Variants in SLC25A14 observed in about 807,000 individuals in gnomAD.
SLC25A14 encodes the protein solute carrier family 25 member 14, also known as brain mitochondrial carrier protein 1.
A neutral mutation model predicts 28.1 loss-of-function variants in SLC25A14; 8 were observed. The ratio of observed to expected loss-of-function variants is 0.28; its 90% CI spans 0.17 to 0.51. The LOEUF (loss-of-function observed/expected upper bound fraction) is 0.51, where lower values mean the gene tolerates loss of function less well. SLC25A14 is among the 20% of genes least tolerant of loss of function. The pLI, the probability that SLC25A14 is intolerant of heterozygous loss-of-function variation, is 0.97. For synonymous variants in SLC25A14, 74 were observed against 90.6 expected, an observed-to-expected ratio of 0.82 and a Z score of 1.04; for missense variants, 135 against 263.8, an observed-to-expected ratio of 0.51 and a Z score of 3.38.
At chrX:130,362,086 G>A (rs1338622629) in intron 7 of SLC25A14, among the ~76,000 whole-genome samples, 1 of 108,350 alleles carries the variant, frequency 9.2e-6, no homozygotes, top group African/African-American at 3.4e-5. Flanking sequence ...GCATAGCTGT[G>A]TCACTTCCAC....
At chrX:130,364,506 T>G in intron 7 of SLC25A14, 122 bp from the exon 8 acceptor site, 1 of 401,131 alleles carries the variant, frequency 2.5e-6, no homozygotes, top group Non-Finnish European at 4.3e-6. Context: ...TTTGAAAGAG[T>G]GACGTCTGTA....
intron 4 of SLC25A14, 125 bp from the exon 5 acceptor site, chrX:130,349,126 G>A: frequency 9.1e-6 from 3 of 331,305 alleles, no homozygotes; most frequent in Non-Finnish European, 5.3e-6. Context: ...TTTCATGAGT[G>A]CTTGAAAAAA....
At chrX:130,345,579 G>A (rs1166228765) in intron 3 of SLC25A14, among the ~76,000 whole-genome samples, 1 of 111,558 alleles carries the variant, frequency 9.0e-6, no homozygotes, top group African/African-American at 3.2e-5. Context: ...CTATATTTCT[G>A]TATTAATAGT....
chrX:130,371,722 T>TA (rs2034267399), intron 10 of SLC25A14, 78 bp downstream of exon 10: 3 of 720,544 alleles, frequency 4.2e-6, no homozygotes, highest in Non-Finnish European at 6.5e-6. Context: ...ATTTGATTAT[T>TA]AAAGCCTTTT....
intron 8 of SLC25A14, chrX:130,365,048 C>A: frequency 1.3e-6 from 1 of 776,236 alleles, no homozygotes; most frequent in Non-Finnish European, 1.5e-6. Context: ...CTATTATTTG[C>A]TTTGGTTAAT....
At chrX:130,353,228 T>C (rs764507697) in intron 6 of SLC25A14, among the ~76,000 whole-genome samples, 16 of 111,899 alleles carry the variant, frequency 1.4e-4, no homozygotes, top group Admixed American at 3.8e-4. Flanking sequence ...GAGAATTTAA[T>C]TGAAGAGCTC....
intron 6 of SLC25A14, among the ~76,000 whole-genome samples, chrX:130,353,222 A>T (rs1569452658): frequency 8.9e-6 from 1 of 111,761 alleles, no homozygotes; most frequent in Non-Finnish European, 1.9e-5. Context: ...TATGAAGAGA[A>T]TTTAATTGAA....
intron 1 of SLC25A14, 48 bp from the exon 2 acceptor site, chrX:130,340,059 C>T: frequency 9.8e-7 from 1 of 1,024,109 alleles, no homozygotes; most frequent in South Asian, 2.8e-5. Flanking sequence ...GGCCTGGTTC[C>T]CGGCCTGGGA....
In SLC25A14 at chrX:130,340,237, G is replaced by A. The variant is rs746558039; in HGVS notation, c.-42G>A. The A allele has an allele frequency of 6.6e-6, 8 of 1,210,227 alleles. No individual in the cohort carries two copies. In the Admixed American group the frequency reaches 1.7e-4, roughly 26 times the overall value. ...TCCCTTCTCTCCACGAGCTCGCTCT[G>A]ACAGCTGAGGAACTGGCAAGATCCT... On this transcript the variant is annotated 5_prime_UTR_variant, in exon 2 of 11. Coordinates refer to ENST00000545805, the MANE Select transcript of SLC25A14 (RefSeq NM_001282195.2).
chrX:130,364,594 T>C (rs200202802), intron 7 of SLC25A14, 34 bp from the exon 8 acceptor site: 4 of 1,129,970 alleles, frequency 3.5e-6, no homozygotes, highest in Admixed American at 2.2e-5. Context: ...CCCTTTGTAT[T>C]TCCTTGGTGC....
intron 7 of SLC25A14, among the ~76,000 whole-genome samples, chrX:130,362,429 G>C (rs1284152474): frequency 9.0e-6 from 1 of 110,751 alleles, no homozygotes; most frequent in Non-Finnish European, 1.9e-5. Context: ...CCAGAAAGCA[G>C]ATGTCCTCAT....
chrX:130,342,306 GGTTTCAGCTGACA>G (rs2033285730), intron 2 of SLC25A14, among the ~76,000 whole-genome samples: 1 of 111,901 alleles, frequency 8.9e-6, no homozygotes, highest in African/African-American at 3.2e-5. Context: ...AAGACTTGGA[GGTTTCAGCTGACA>G]GTTTAATGAT....
intron 10 of SLC25A14, among the ~76,000 whole-genome samples, chrX:130,372,356 G>A (rs1041223414): frequency 4.5e-5 from 5 of 111,614 alleles, no homozygotes; most frequent in African/African-American, 1.6e-4. Context: ...ATATATTAGA[G>A]TTTTACTCTG....
At chrX:130,367,054 GA>G (rs1702502566) in intron 9 of SLC25A14, among the ~76,000 whole-genome samples, 1 of 112,380 alleles carries the variant, frequency 8.9e-6, no homozygotes. Flanking sequence ...TCCAGATTCT[GA>G]TTTAGTAAGT....
chrX:130,368,405 C>G (rs745924789), intron 9 of SLC25A14, among the ~76,000 whole-genome samples: 2 of 111,999 alleles, frequency 1.8e-5, no homozygotes, highest in East Asian at 5.6e-4. Context: ...CCCACACACA[C>G]ACAAAAGAAA....
At chrX:130,350,595 A>C (rs765769260) in intron 5 of SLC25A14, 51 bp from the exon 6 acceptor site, 35 of 788,326 alleles carry the variant, frequency 4.4e-5, no homozygotes, top group Non-Finnish European at 5.9e-5. Flanking sequence ...GTATGTACTC[A>C]AACTGGTGCC....
intron 7 of SLC25A14, among the ~76,000 whole-genome samples, chrX:130,360,984 C>T (rs902746475): frequency 6.3e-5 from 7 of 111,779 alleles, no homozygotes; most frequent in Non-Finnish European, 1.1e-4. Flanking sequence ...TTTTGTGTCT[C>T]TATCAATTTG....
At chrX:130,359,417 C>T (rs2033900744) in intron 7 of SLC25A14, among the ~76,000 whole-genome samples, 1 of 104,745 alleles carries the variant, frequency 9.5e-6, no homozygotes, top group East Asian at 2.9e-4. Flanking sequence ...ATTTTTTAAC[C>T]TAAAAAGTCT....
intron 9 of SLC25A14, among the ~76,000 whole-genome samples, chrX:130,367,813 T>C (rs927731881): frequency 8.9e-6 from 1 of 112,117 alleles, no homozygotes; most frequent in African/African-American, 3.2e-5. Context: ...TTTTTATTTA[T>C]TTATTTATGC....
Sources: gnomAD v4.1 joint callset for allele counts (sites outside exome capture counted in the v4.1 genomes callset) on GRCh38, gnomAD v4.1.1 for gene constraint, MANE v1.5 for transcripts, NCBI Gene and HGNC (gene_info 2026-07-23, HGNC 2026-07-21) for gene names.